The following TSHZ3 variants were observed in gnomAD, a reference collection of about 807,000 sequenced individuals.
The protein encoded by TSHZ3 is teashirt zinc finger homeobox 3, also known as teashirt homolog 3.
In TSHZ3, 10 loss-of-function variants were observed where a neutral mutation model predicts 64.5. The observed-to-expected ratio is 0.16, with a 90% CI of 0.10 to 0.26. The LOEUF (loss-of-function observed/expected upper bound fraction) is 0.26. Among genes scored for constraint, TSHZ3 ranks in the 10% least tolerant of loss-of-function variants. TSHZ3 has a pLI of 1.00. For missense variants in TSHZ3, 1,242 were observed against 1,421.7 expected, an observed-to-expected ratio of 0.87 and a Z score of 2.03; for synonymous variants, 608 against 593.1, an observed-to-expected ratio of 1.03 and a Z score of -0.36.
In TSHZ3 at chr19:31,279,779, A is replaced by AGACAGGT; in HGVS notation, c.41-34_41-28dup. On this transcript the variant is annotated intron_variant, in intron 1 of 1. Transcript: ENST00000240587. This position sits in a 1 kb window ranked among gnomAD's most constrained non-coding sequence, Gnocchi z 6.4. ...TGCCATGATAACAGGTGGGAAAGAG[A>AGACAGGT]GACAGGTAGGATGGAATGAAGAGAG... 1 of 1,480,548 alleles carries AGACAGGT rather than the reference A, an allele frequency of 6.8e-7. No individual in the cohort carries two copies. Among genetic ancestry groups the AGACAGGT allele is most frequent in the Non-Finnish European group, 9.0e-7 (1 of 1,117,066 alleles). The allele number at this position is 1,480,548 out of a possible 1,614,324, so 91.7% of individuals were successfully genotyped here.
At chr19:31,154,247 T>A (rs918697861) in intron 6 of TSHZ3, among the ~76,000 whole-genome samples, 30 of 152,310 alleles carry the variant, frequency 2.0e-4, no homozygotes, top group Admixed American at 1.5e-3. Context: ...AAATGTTTAT[T>A]GTTGTGTACC....
At chr19:31,298,231 C>T (rs1244521734) in intron 1 of TSHZ3, among the ~76,000 whole-genome samples, 4 of 152,046 alleles carry the variant, frequency 2.6e-5, no homozygotes, top group Non-Finnish European at 5.9e-5. Flanking sequence ...CCCCGCCATC[C>T]AAAGCCCATT....
intron 4 of TSHZ3, among the ~76,000 whole-genome samples, chr19:31,212,231 G>T (rs1285128501): frequency 6.6e-6 from 1 of 152,074 alleles, no homozygotes; most frequent in East Asian, 1.9e-4. Flanking sequence ...CAAGGCAGGA[G>T]AATTACTTGA....
At chr19:31,272,879 T>G (rs1327018103), downstream of TSHZ3, among the ~76,000 whole-genome samples, 2 of 152,094 alleles carry the variant, frequency 1.3e-5, no homozygotes, top group African/African-American at 4.8e-5. Flanking sequence ...GATTAAAACC[T>G]CCCTCCCTTG....
In TSHZ3 at chr19:31,283,270, G is replaced by A. The variant is rs531305816; in HGVS notation, c.41-3518C>T. Reference sequence around the variant, plus strand: ...AATCACTTGAACCCGGAGGTGGAGGGTGCAAGTGAGCCATGACCCACCACT... The same window carrying A: ...AATCACTTGAACCCGGAGGTGGAGGATGCAAGTGAGCCATGACCCACCACT... On this transcript the variant is annotated intron_variant, in intron 1 of 1. Transcript: ENST00000240587. 3.3e-5 allele frequency among the ~76,000 whole-genome samples: 5 copies of A among 152,200 alleles called. No individual in the cohort carries two copies. In the South Asian group the frequency reaches 1.0e-3, roughly 32 times the overall value.
chr19:31,246,979 A>T lies in TSHZ3; in HGVS notation n.64-4104T>A. ...GCACAAAAATAAATAATGATTGAAAATCATGATTTATTGAATGAAATAAGC... is the reference window on the plus strand; with the variant it reads ...GCACAAAAATAAATAATGATTGAAATTCATGATTTATTGAATGAAATAAGC... On this transcript the variant is annotated intron_variant and non_coding_transcript_variant, in intron 1 of 6. Coordinates refer to the TSHZ3 transcript ENST00000651361. Among the ~76,000 whole-genome samples the T allele has an allele frequency of 2.0e-5, 3 of 152,224 alleles. 1 individual carries two copies. The East Asian group carries it at 5.8e-4, about 29-fold the overall frequency.
At chr19:31,299,221 T>C (rs930364358) in intron 1 of TSHZ3, among the ~76,000 whole-genome samples, 1 of 152,146 alleles carries the variant, frequency 6.6e-6, no homozygotes, top group Non-Finnish European at 1.5e-5. Flanking sequence ...CACAACCGCA[T>C]GGCGACTCTC....
chr19:31,258,763 G>A lies in TSHZ3; in HGVS notation n.64-15888C>T, dbSNP rs553236022. On this transcript the variant is annotated intron_variant and non_coding_transcript_variant, in intron 1 of 6. Coordinates refer to the TSHZ3 transcript ENST00000651361. ...TAGCTGTCAATCAATGTAGTCTCCC[G>A]GGGAGAAATGCAGGTCTCTTGCCAC... Among the ~76,000 whole-genome samples, 4 of 152,288 alleles carry A rather than the reference G, an allele frequency of 2.6e-5. No individual in the cohort carries two copies. The East Asian group carries it at 5.8e-4, about 22-fold the overall frequency.
intron 1 of TSHZ3, among the ~76,000 whole-genome samples, chr19:31,261,908 G>A (rs1173161422): frequency 5.3e-5 from 8 of 152,106 alleles, no homozygotes; most frequent in East Asian, 3.9e-4. Context: ...CCCTGTCTGC[G>A]AGCCCAGCCC....
At chr19:31,208,780 G>C (rs1035059579) in intron 4 of TSHZ3, among the ~76,000 whole-genome samples, 2 of 152,136 alleles carry the variant, frequency 1.3e-5, no homozygotes, top group African/African-American at 4.8e-5. Flanking sequence ...CTCTTTCAGA[G>C]GTGTTTGACA....
intron 5 of TSHZ3, among the ~76,000 whole-genome samples, chr19:31,184,800 G>T (rs1354142125): frequency 6.6e-6 from 1 of 152,094 alleles, no homozygotes; most frequent in Non-Finnish European, 1.5e-5. Context: ...TTATCACCGC[G>T]GCTTCATAAA....
chr19:31,220,301 G>T (rs1975380986), intron 4 of TSHZ3, among the ~76,000 whole-genome samples: 1 of 152,188 alleles, frequency 6.6e-6, no homozygotes, highest in African/African-American at 2.4e-5. Flanking sequence ...AATGCCAAAG[G>T]CAAGATTGAA....
At chr19:31,316,974 T>A (rs1916619481) in intron 1 of TSHZ3, among the ~76,000 whole-genome samples, 1 of 152,278 alleles carries the variant, frequency 6.6e-6, no homozygotes, top group Admixed American at 6.5e-5. Context: ...TACAGTATAT[T>A]AAGCAATCTA....
At chr19:31,257,071 G>C (rs533865922) in intron 1 of TSHZ3, among the ~76,000 whole-genome samples, 10 of 152,254 alleles carry the variant, frequency 6.6e-5, no homozygotes, top group African/African-American at 1.9e-4. Context: ...GCTCCAGGGC[G>C]GGTGCTCCAG....
At chr19:31,208,449 T>C (rs1033553292) in intron 4 of TSHZ3, among the ~76,000 whole-genome samples, 1 of 152,228 alleles carries the variant, frequency 6.6e-6, no homozygotes, top group Non-Finnish European at 1.5e-5. Context: ...CCCTGCAATG[T>C]AGTTCATGAA....
At chr19:31,194,141 G>A (rs1469497767) in intron 5 of TSHZ3, among the ~76,000 whole-genome samples, 1 of 152,192 alleles carries the variant, frequency 6.6e-6, no homozygotes, top group Non-Finnish European at 1.5e-5. Flanking sequence ...AATCTGAACT[G>A]TAATTGATGA....
chr19:31,251,202 C>T (rs1975836918), intron 1 of TSHZ3, among the ~76,000 whole-genome samples: 1 of 152,128 alleles, frequency 6.6e-6, no homozygotes, highest in African/African-American at 2.4e-5. Flanking sequence ...CTCTGCAGGG[C>T]CCTTCTGTGA....
chr19:31,304,491 G>C (rs1180245075), intron 1 of TSHZ3, among the ~76,000 whole-genome samples: 1 of 146,190 alleles, frequency 6.8e-6, no homozygotes, highest in Non-Finnish European at 1.5e-5. Flanking sequence ...TGTCAAACTG[G>C]GACCATAACA....
intron 5 of TSHZ3, among the ~76,000 whole-genome samples, chr19:31,201,952 A>G (rs1975093418): frequency 6.6e-6 from 1 of 152,208 alleles, no homozygotes; most frequent in East Asian, 1.9e-4. Context: ...GGATCACCTG[A>G]GGATGGGAGT....
Sources: gnomAD v4.1 joint callset for allele counts (sites outside exome capture counted in the v4.1 genomes callset) on GRCh38, gnomAD v4.1.1 for gene constraint, Gnocchi (gnomAD v3.1) non-coding constraint, MANE v1.5 for transcripts, NCBI Gene and HGNC (gene_info 2026-07-23, HGNC 2026-07-21) for gene names.